The following RMDN3 variants were observed in gnomAD, a reference collection of about 807,000 sequenced individuals.
The protein encoded by RMDN3 is regulator of microtubule dynamics protein 3.
Under a neutral mutation model 61.8 loss-of-function variants are expected in RMDN3, and 41 were observed. The observed-to-expected ratio is 0.66, with a 90% confidence interval of 0.52 to 0.86. RMDN3 has a LOEUF of 0.86. Ranked by LOEUF, RMDN3 falls within the 40% of genes least tolerant of loss-of-function variation. The pLI, the probability that RMDN3 is intolerant of heterozygous loss-of-function variation, is 0.00. For missense variants in RMDN3, 557 were observed against 585.3 expected, an observed-to-expected ratio of 0.95 and a Z score of 0.50; for synonymous variants, 247 against 232.0, an observed-to-expected ratio of 1.06 and a Z score of -0.59.
intron 4 of RMDN3, among the ~76,000 whole-genome samples, chr15:40,745,994 C>G (rs1279013385): frequency 6.6e-6 from 1 of 152,116 alleles, no homozygotes; most frequent in Non-Finnish European, 1.5e-5. Context: ...CACTTTGCAG[C>G]CAGAAGCAAG....
intron 6 of RMDN3, among the ~76,000 whole-genome samples, chr15:40,740,428 C>T (rs947057555): frequency 6.6e-6 from 1 of 152,100 alleles, no homozygotes; most frequent in African/African-American, 2.4e-5. Context: ...GGTAGAGCGC[C>T]TGAGGTCAGG....
chr15:40,750,246 G>A (rs894605451), intron 4 of RMDN3, among the ~76,000 whole-genome samples: 1 of 130,744 alleles, frequency 7.6e-6, no homozygotes, highest in African/African-American at 2.9e-5. Flanking sequence ...TTGAGATGGA[G>A]TCTCACTCTG....
intron 7 of RMDN3, chr15:40,738,830 C>T: frequency 3.7e-6 from 2 of 536,444 alleles, no homozygotes; most frequent in Non-Finnish European, 6.7e-6. Context: ...GGGTTCACCA[C>T]AGTAAATCTC....
rs553712285 is a variant in RMDN3, at chr15:40,746,578, G to A, written c.525-1319C>T. Among the ~76,000 whole-genome samples the A allele has an allele frequency of 2.6e-5, 4 of 151,324 alleles. No individual in the cohort carries two copies. The East Asian group carries it at 7.7e-4, about 29-fold the overall frequency. On this transcript the variant is annotated intron_variant, in intron 4 of 12. Transcript: ENST00000338376. ...TGGAGCAAAACAGGACTGAAGGAGA[G>A]ATGACACACCACCTACAAATAAAGT... is the stretch of plus-strand genomic sequence containing the variant.
intron 6 of RMDN3, among the ~76,000 whole-genome samples, chr15:40,740,742 T>G (rs552077056): frequency 8.5e-5 from 13 of 152,306 alleles, no homozygotes; most frequent in Non-Finnish European, 7.4e-5. Context: ...GTTACCTTCT[T>G]TTTATAATGC....
In RMDN3 at chr15:40,744,055, G is replaced by C; in HGVS notation, c.902C>G (p.Ala301Gly). Residue 301 changes from alanine to glycine, a missense_variant, in exon 6 of 13, where the codon GCC becomes GGC. Ala to Gly is a moderately conservative substitution (Grantham distance 60). Coordinates refer to ENST00000338376, the MANE Select transcript of RMDN3 (RefSeq NM_018145.3). ...TEEVSEKKSY[A>G]LDGKEEAEAA... is the part of the protein sequence containing the mutation. Reference sequence around the variant, plus strand: ...AAGCTGTCAGCACTTACCATCTAGGGCATATGACTTCTTCTCGCTCACCTC... The same window carrying C: ...AAGCTGTCAGCACTTACCATCTAGGCCATATGACTTCTTCTCGCTCACCTC... 1.2e-6 allele frequency: 2 copies of C among 1,612,582 alleles called. No individual in the cohort carries two copies. Among genetic ancestry groups the C allele is most frequent in the Middle Eastern group, 3.3e-4 (2 of 6,054 alleles).
intron 4 of RMDN3, among the ~76,000 whole-genome samples, chr15:40,747,413 A>G (rs1195170075): frequency 6.6e-6 from 1 of 152,258 alleles, no homozygotes; most frequent in Non-Finnish European, 1.5e-5. Context: ...GGAAGCTGGC[A>G]TAGAAAGTAG....
intron 4 of RMDN3, among the ~76,000 whole-genome samples, chr15:40,746,408 C>T (rs1042569901): frequency 3.3e-5 from 5 of 150,720 alleles, no homozygotes; most frequent in African/African-American, 4.9e-5. Flanking sequence ...CCCAGCTACT[C>T]GGGAGGCTGA....
intron 6 of RMDN3, among the ~76,000 whole-genome samples, chr15:40,743,417 T>C (rs751803725): frequency 2.1e-5 from 3 of 144,694 alleles, no homozygotes; most frequent in Admixed American, 6.9e-5. Context: ...AAAGACTGTT[T>C]AAAAAAAAAA....
chr15:40,751,623 T>C (rs2141925417), intron 3 of RMDN3, 54 bp from the exon 4 acceptor site: 2 of 1,611,910 alleles, frequency 1.2e-6, no homozygotes, highest in East Asian at 4.5e-5. Flanking sequence ...CCAGCTTGTC[T>C]TTCTGCTCAC....
chr15:40,741,779 C>T (rs929694369), intron 6 of RMDN3, among the ~76,000 whole-genome samples: 1 of 151,656 alleles, frequency 6.6e-6, no homozygotes, highest in Middle Eastern at 3.4e-3. Flanking sequence ...CAGGTGTGTG[C>T]CACCACACCT....
intron 12 of RMDN3, 70 bp from the exon 13 acceptor site, chr15:40,736,664 A>AGAAGAGGGGCCCTTT: frequency 7.4e-7 from 1 of 1,357,328 alleles, no homozygotes; most frequent in Non-Finnish European, 1.1e-6. Flanking sequence ...GTGGAACCTA[A>AGAAGAGGGGCCCTTT]GAAGAGGGGC....
chr15:40,743,676 A>G (rs1243476727), intron 6 of RMDN3, among the ~76,000 whole-genome samples: 2 of 152,192 alleles, frequency 1.3e-5, no homozygotes, highest in Admixed American at 1.3e-4. Flanking sequence ...TATTCTTAGA[A>G]CACCTGCCCC....
rs1596036448 is a variant in RMDN3, at chr15:40,736,611, C to G, written c.1360-17G>C. 6.2e-7 allele frequency: 1 copy of G among 1,612,644 alleles called. No homozygotes were observed. Among genetic ancestry groups the G allele is most frequent in the African/African-American group, 1.3e-5 (1 of 74,848 alleles). ...AGCCAAATCCTAGGGAGACAAAGAA[C>G]AAATCTAGGGCTCAAAATTTAAACC... On this transcript the variant is annotated splice_polypyrimidine_tract_variant and intron_variant, in intron 12 of 12. Transcript: ENST00000338376.
intron 6 of RMDN3, among the ~76,000 whole-genome samples, chr15:40,742,532 A>C (rs1252987427): frequency 6.6e-6 from 1 of 152,182 alleles, no homozygotes; most frequent in African/African-American, 2.4e-5. Flanking sequence ...CTGAGACCCC[A>C]CAGAATGACT....
At chr15:40,748,907 AT>A (rs60673924) in intron 4 of RMDN3, among the ~76,000 whole-genome samples, 73 of 140,242 alleles carry the variant, frequency 5.2e-4, no homozygotes, top group Non-Finnish European at 5.9e-4. Context: ...AGCCTCAGTA[AT>A]TTTTTTTTTT....
intron 6 of RMDN3, among the ~76,000 whole-genome samples, chr15:40,741,344 AAAAAAAAAATTCTCAAAAG>A (rs967798123): frequency 1.3e-4 from 20 of 151,018 alleles, no homozygotes. Context: ...CATCTCTTTA[AAAAAAAAAATTCTCAAAAG>A]GATCCACGAT....
chr15:40,752,692 T>C (rs752012), intron 2 of RMDN3, among the ~76,000 whole-genome samples: 81,503 of 151,908 alleles, frequency 0.54, 22,232 homozygotes, highest in East Asian at 0.77. Context: ...GGGGCAGTTA[T>C]TAAGAGAAAA....
chr15:40,744,936 G>T (rs772923420), intron 5 of RMDN3, 41 bp downstream of exon 5: 5 of 1,541,096 alleles, frequency 3.2e-6, no homozygotes, highest in Admixed American at 2.0e-5. Context: ...GAGATGGAGG[G>T]AGGGAGGGAA....
Sources: allele counts gnomAD v4.1 joint callset (sites outside exome capture counted in the v4.1 genomes callset), GRCh38; gene constraint gnomAD v4.1.1; transcripts MANE v1.5; gene names NCBI Gene and HGNC (gene_info 2026-07-23, HGNC 2026-07-21).